LRRC4C: variants seen among roughly 807,000 people sequenced by gnomAD.
LRRC4C encodes leucine-rich repeat-containing protein 4C.
In LRRC4C, 5 loss-of-function variants were observed where a neutral mutation model predicts 33.6. The ratio of observed to expected loss-of-function variants is 0.15; its 90% confidence interval spans 0.08 to 0.31. The LOEUF is 0.31. LRRC4C is among the 10% of genes least tolerant of loss of function. The probability of loss-of-function intolerance (pLI) is 1.00; values close to 1 mark genes in which losing one functional copy is unlikely to be tolerated. For missense variants in LRRC4C, 560 were observed against 796.7 expected (o/e 0.70, Z 3.58); for synonymous variants, 329 against 302.0 (o/e 1.09, Z -0.93).
At chr11:41,039,557 G>A (rs1393925446) in intron 1 of LRRC4C, among the ~76,000 whole-genome samples, 2 of 152,144 alleles carry the variant, frequency 1.3e-5, no homozygotes, top group Non-Finnish European at 2.9e-5. Flanking sequence ...TAGGCTATTA[G>A]GACAGCTTGC....
chr11:40,885,824 G>A (rs1359998492), intron 2 of LRRC4C, among the ~76,000 whole-genome samples: 2 of 152,078 alleles, frequency 1.3e-5, no homozygotes, highest in Non-Finnish European at 2.9e-5. Flanking sequence ...CAGGTGCCAT[G>A]TTAAATACTT....
chr11:40,505,659 A>C (rs912839669), intron 3 of LRRC4C, among the ~76,000 whole-genome samples: 2 of 152,176 alleles, frequency 1.3e-5, no homozygotes, highest in Admixed American at 6.5e-5. Flanking sequence ...TATGTCAGGC[A>C]TTGGCCCATG....
chr11:40,279,147 G>A (rs1370172670), intron 4 of LRRC4C, among the ~76,000 whole-genome samples: 1 of 152,150 alleles, frequency 6.6e-6, no homozygotes, highest in Admixed American at 6.6e-5. Context: ...ATGTACTGTA[G>A]GACTTTTCAA....
At chr11:40,896,214 C>T (rs1049169808) in intron 2 of LRRC4C, among the ~76,000 whole-genome samples, 4 of 152,138 alleles carry the variant, frequency 2.6e-5, no homozygotes, top group Admixed American at 6.5e-5. Context: ...TCAGCATAGA[C>T]CATACCCTTA....
At chr11:40,185,021 AC>A (rs1266178054) in intron 5 of LRRC4C, among the ~76,000 whole-genome samples, 3 of 152,202 alleles carry the variant, frequency 2.0e-5, no homozygotes, top group Non-Finnish European at 2.9e-5. Context: ...GTAAAACCTT[AC>A]AAGGGAAACC....
At chr11:40,519,808 C>A (rs4756597) in intron 3 of LRRC4C, among the ~76,000 whole-genome samples, 1 of 151,922 alleles carries the variant, frequency 6.6e-6, no homozygotes, top group Non-Finnish European at 1.5e-5. Context: ...TAGATTACTT[C>A]GAAAACATAA....
intron 1 of LRRC4C, among the ~76,000 whole-genome samples, chr11:41,121,434 G>A (rs12293626): frequency 0.27 from 40,633 of 151,894 alleles, 5,812 homozygotes; most frequent in East Asian, 0.46. Flanking sequence ...ATAAATTTGC[G>A]ATATATTTTT....
At chr11:41,262,570 C>T (rs1430648467) in intron 1 of LRRC4C, among the ~76,000 whole-genome samples, 2 of 152,076 alleles carry the variant, frequency 1.3e-5, no homozygotes, top group African/African-American at 2.4e-5. Context: ...AGTTATCCTA[C>T]TTAAAGCCAG....
chr11:40,597,704 C>T (rs534059262), intron 3 of LRRC4C, among the ~76,000 whole-genome samples: 1 of 152,232 alleles, frequency 6.6e-6, no homozygotes, highest in African/African-American at 2.4e-5. Context: ...GGGAGGCAAG[C>T]TAGTAAAGAG....
chr11:40,873,159 G>T (rs1400955325), intron 2 of LRRC4C, among the ~76,000 whole-genome samples: 2 of 152,068 alleles, frequency 1.3e-5, no homozygotes, highest in Non-Finnish European at 2.9e-5. Context: ...TGGGCAAATT[G>T]CTTCCTCCAA....
chr11:41,023,774 G>A (rs916584117), intron 1 of LRRC4C, among the ~76,000 whole-genome samples: 13 of 151,764 alleles, frequency 8.6e-5, no homozygotes, highest in Admixed American at 7.9e-4. Context: ...TGCTTATGTT[G>A]AAAAATATTG....
chr11:40,978,392 T>C (rs1451387871), intron 1 of LRRC4C, among the ~76,000 whole-genome samples: 1 of 152,166 alleles, frequency 6.6e-6, no homozygotes, highest in Admixed American at 6.5e-5. Context: ...TGGAAGGAAA[T>C]TTTACACTCC....
At position 40,554,097 on chromosome 11, in the gene LRRC4C, A is replaced by C. The variant is rs191010553; in HGVS notation, c.-270+94045T>G. On this transcript the variant is annotated intron_variant, in intron 3 of 6. Transcript: ENST00000528697. ...GGTCCTACATTTAAGCCTTTAATCC[A>C]TCCTGAGTTAATTTTTTTATATGGT... Among the ~76,000 whole-genome samples the C allele has an allele frequency of 3.6e-3, 545 of 152,310 alleles. 2 individuals are homozygous for C. The highest frequency in any genetic ancestry group is 6.0e-3 in the Non-Finnish European group (406 of 68,014).
intron 2 of LRRC4C, among the ~76,000 whole-genome samples, chr11:40,681,691 G>A (rs567073763): frequency 1.7e-4 from 26 of 152,118 alleles, no homozygotes; most frequent in African/African-American, 4.6e-4. Flanking sequence ...CTTGAGCCCC[G>A]GAGTTTGAGA....
At chr11:40,344,580 T>C (rs181766537) in intron 3 of LRRC4C, among the ~76,000 whole-genome samples, 22 of 152,232 alleles carry the variant, frequency 1.4e-4, no homozygotes, top group Middle Eastern at 6.8e-3. Flanking sequence ...GCATTTCCCT[T>C]AAAAACCAGA....
intron 1 of LRRC4C, among the ~76,000 whole-genome samples, chr11:41,100,755 C>G (rs1941123386): frequency 6.6e-6 from 1 of 151,972 alleles, no homozygotes. Context: ...GCAAAAAGAA[C>G]AAAGCTGGAG....
Position 40,979,312 on chromosome 11 carries a change from A to G in LRRC4C, c.-495-45589T>C, listed in dbSNP as rs567063601. Among the ~76,000 whole-genome samples the G allele has an allele frequency of 5.3e-5, 8 of 152,348 alleles. No homozygotes were observed. In the East Asian group the frequency reaches 9.6e-4, roughly 18 times the overall value. Reference sequence around the variant, plus strand: ...TAAACTCTAGGGCCTAATATATTACAGTACCCTGCTCTTAGTACTCTTTCA... The same window carrying G: ...TAAACTCTAGGGCCTAATATATTACGGTACCCTGCTCTTAGTACTCTTTCA... On this transcript the variant is annotated intron_variant, in intron 1 of 6. Transcript: ENST00000528697.
At chr11:40,893,510 A>G (rs912755082) in intron 2 of LRRC4C, among the ~76,000 whole-genome samples, 9 of 152,108 alleles carry the variant, frequency 5.9e-5, no homozygotes, top group African/African-American at 2.2e-4. Context: ...TATACATTAT[A>G]TTTATGTGTA....
At chr11:40,189,564 C>T (rs535560855) in intron 5 of LRRC4C, among the ~76,000 whole-genome samples, 14 of 152,262 alleles carry the variant, frequency 9.2e-5, no homozygotes, top group East Asian at 7.7e-4. Flanking sequence ...TAATTAGCAA[C>T]GGGCTTGGCA....
Sources: gnomAD v4.1 joint callset for allele counts (sites outside exome capture counted in the v4.1 genomes callset) on GRCh38, gnomAD v4.1.1 for gene constraint, MANE v1.5 for transcripts, NCBI Gene and HGNC (gene_info 2026-07-23, HGNC 2026-07-21) for gene names.